The following TMEM132D variants were observed in gnomAD, a reference collection of about 807,000 sequenced individuals.
TMEM132D encodes the protein transmembrane protein 132D, also known as mature OL transmembrane protein.
In TMEM132D, 21 loss-of-function variants were observed where a neutral mutation model predicts 62.3. The observed-to-expected ratio is 0.34, with a 90% CI of 0.24 to 0.49. The LOEUF is 0.49. TMEM132D is among the 20% of genes least tolerant of loss of function. The probability of loss-of-function intolerance (pLI) is 0.99; values close to 1 mark genes in which losing one functional copy is unlikely to be tolerated. For missense variants in TMEM132D, 1,346 were observed against 1,402.8 expected, an observed-to-expected ratio of 0.96 and a Z score of 0.65; for synonymous variants, 621 against 575.6, an observed-to-expected ratio of 1.08 and a Z score of -1.13.
intron 3 of TMEM132D, among the ~76,000 whole-genome samples, chr12:129,507,720 AG>A (rs958926363): frequency 2.0e-5 from 3 of 152,268 alleles, no homozygotes; most frequent in South Asian, 2.1e-4. Context: ...AAGGGTAGGA[AG>A]GGGGTGAAGG....
chr12:129,791,007 A>C (rs1239770062), intron 1 of TMEM132D, among the ~76,000 whole-genome samples: 3 of 152,248 alleles, frequency 2.0e-5, no homozygotes, highest in African/African-American at 7.2e-5. Context: ...CAAAAGTACT[A>C]AGACCTTTAA....
At chr12:129,317,149 C>A (rs190595511) in intron 4 of TMEM132D, among the ~76,000 whole-genome samples, 1 of 152,210 alleles carries the variant, frequency 6.6e-6, no homozygotes, top group African/African-American at 2.4e-5. Flanking sequence ...ATGTGAGGTA[C>A]CCTCGCATTC....
intron 3 of TMEM132D, among the ~76,000 whole-genome samples, chr12:129,505,779 C>T (rs975785803): frequency 6.6e-6 from 1 of 152,094 alleles, no homozygotes; most frequent in South Asian, 2.1e-4. Flanking sequence ...TATAATGTCC[C>T]TCTTTGTCTT....
At chr12:129,873,643 CAA>C (rs1874325733) in intron 1 of TMEM132D, among the ~76,000 whole-genome samples, 1 of 152,124 alleles carries the variant, frequency 6.6e-6, no homozygotes, top group Admixed American at 6.5e-5. Context: ...ACCTCTTTTA[CAA>C]AGAGACTGAA....
At chr12:129,680,297 CTTTT>C (rs1227255975) in intron 2 of TMEM132D, among the ~76,000 whole-genome samples, 1 of 152,118 alleles carries the variant, frequency 6.6e-6, no homozygotes, top group East Asian at 1.9e-4. Flanking sequence ...TGGATGATCT[CTTTT>C]TTTATTATCA....
intron 4 of TMEM132D, among the ~76,000 whole-genome samples, chr12:129,317,733 C>G (rs778010103): frequency 6.6e-6 from 1 of 152,178 alleles, no homozygotes; most frequent in Admixed American, 6.5e-5. Context: ...CCCCCAAATA[C>G]GTTTTCCAAG....
chr12:129,311,093 G>A lies in TMEM132D; in HGVS notation c.1299+26541C>T, dbSNP rs1275897491. Among the ~76,000 whole-genome samples the A allele has an allele frequency of 2.3e-5, 3 of 130,732 alleles. 1 individual carries two copies. The highest frequency in any genetic ancestry group is 4.6e-5 in the Non-Finnish European group (3 of 64,590). 85.8% of individuals were successfully genotyped at this position (130,732 alleles called of 152,430 possible). On this transcript the variant is annotated intron_variant, in intron 4 of 8. Transcript: ENST00000422113. Reference sequence around the variant, plus strand: ...GGCGCCTGTAGTCCCAGCTACTCGGGAGGCTGAGGCAGGAGAATGGCGTGA... The same window carrying A: ...GGCGCCTGTAGTCCCAGCTACTCGGAAGGCTGAGGCAGGAGAATGGCGTGA...
Position 129,133,889 on chromosome 12 carries a change from C to T in TMEM132D, c.1444-49187G>A, listed in dbSNP as rs140183037. 1.1e-4 allele frequency among the ~76,000 whole-genome samples: 17 copies of T among 152,250 alleles called. 1 individual carries two copies. The highest frequency in any genetic ancestry group is 2.6e-4 in the Admixed American group (4 of 15,276). On this transcript the variant is annotated intron_variant, in intron 5 of 8. Coordinates refer to ENST00000422113, the MANE Select transcript of TMEM132D (RefSeq NM_133448.3). ...GAAAATAAGGAAATGCTCTTTCCTC[C>T]GGAGTTGGTACACTGGTAGAATGCA...
chr12:129,837,546 A>G (rs1489838089), intron 1 of TMEM132D, among the ~76,000 whole-genome samples: 1 of 152,244 alleles, frequency 6.6e-6, no homozygotes, highest in African/African-American at 2.4e-5. Context: ...CAACTTCTCC[A>G]AATAGAAGGA....
intron 2 of TMEM132D, among the ~76,000 whole-genome samples, chr12:129,584,360 G>T (rs187972948): frequency 1.1e-4 from 16 of 152,280 alleles, no homozygotes; most frequent in Non-Finnish European, 4.4e-5. Context: ...TGTTCATACT[G>T]CTTCTTGCTT....
intron 1 of TMEM132D, among the ~76,000 whole-genome samples, chr12:129,796,575 T>C (rs927261990): frequency 1.3e-5 from 2 of 152,190 alleles, no homozygotes; most frequent in Admixed American, 1.3e-4. Flanking sequence ...TCATGTCCTT[T>C]GCAGGGACAT....
At chr12:129,688,740 C>G (rs1880990815) in intron 2 of TMEM132D, among the ~76,000 whole-genome samples, 1 of 151,816 alleles carries the variant, frequency 6.6e-6, no homozygotes, top group Non-Finnish European at 1.5e-5. Context: ...GCAAACAGAT[C>G]AAGTCTTCTG....
At chr12:129,639,031 A>T (rs1462330840) in intron 2 of TMEM132D, among the ~76,000 whole-genome samples, 1 of 152,166 alleles carries the variant, frequency 6.6e-6, no homozygotes, top group Non-Finnish European at 1.5e-5. Context: ...CTGGAAATGG[A>T]CTTCAACAGG....
intron 4 of TMEM132D, among the ~76,000 whole-genome samples, chr12:129,221,639 T>G (rs1248800274): frequency 6.6e-6 from 1 of 152,168 alleles, no homozygotes; most frequent in Non-Finnish European, 1.5e-5. Flanking sequence ...TCACATCCCT[T>G]TCTTCCTCAA....
intron 4 of TMEM132D, among the ~76,000 whole-genome samples, chr12:129,319,593 A>G (rs1011599620): frequency 1.3e-5 from 2 of 152,360 alleles, no homozygotes; most frequent in South Asian, 4.1e-4. Context: ...AGGAAGGATG[A>G]GATCACCCAA....
At position 129,659,036 on chromosome 12, in the gene TMEM132D, G is replaced by C. The variant is rs115295052; in HGVS notation, c.968+40774C>G. On this transcript the variant is annotated intron_variant, in intron 2 of 8. Coordinates refer to ENST00000422113, the MANE Select transcript of TMEM132D (RefSeq NM_133448.3). ...CTGCCTCAGCCTCCTGAATAGCTGT[G>C]AATACAGGTACATATAACAATACAT... Among the ~76,000 whole-genome samples the C allele has an allele frequency of 5.0e-3, 766 of 152,156 alleles. 6 individuals carry two copies. Among genetic ancestry groups the C allele is most frequent in the African/African-American group, 0.017 (723 of 41,488 alleles).
intron 2 of TMEM132D, among the ~76,000 whole-genome samples, chr12:129,581,620 A>T (rs1321563857): frequency 6.6e-6 from 1 of 152,206 alleles, no homozygotes; most frequent in Non-Finnish European, 1.5e-5. Context: ...GAGAAAGATG[A>T]GGTAGAAGAC....
chr12:129,442,150 A>G (rs185892786), intron 3 of TMEM132D, among the ~76,000 whole-genome samples: 7 of 152,348 alleles, frequency 4.6e-5, no homozygotes, highest in East Asian at 3.9e-4. Context: ...GTTGCAAAAG[A>G]AAAACAAAAG....
At chr12:129,185,735 A>G (rs912391082) in intron 5 of TMEM132D, among the ~76,000 whole-genome samples, 4 of 131,960 alleles carry the variant, frequency 3.0e-5, no homozygotes, top group African/African-American at 5.5e-5. Flanking sequence ...CTGTCTATCT[A>G]TCTATCTGCC....
Sources: gnomAD v4.1 joint callset for allele counts (sites outside exome capture counted in the v4.1 genomes callset) on GRCh38, gnomAD v4.1.1 for gene constraint, MANE v1.5 for transcripts, NCBI Gene and HGNC (gene_info 2026-07-23, HGNC 2026-07-21) for gene names.